CACNB2: variants seen among roughly 807,000 people sequenced by gnomAD.
The protein encoded by CACNB2 is calcium voltage-gated channel auxiliary subunit beta 2.
In CACNB2, 42 loss-of-function variants were observed where a neutral mutation model predicts 73.3. The observed-to-expected ratio is 0.57, with a 90% CI of 0.45 to 0.74. CACNB2 has a LOEUF of 0.74. Among genes scored for constraint, CACNB2 ranks in the 30% least tolerant of loss-of-function variants. The pLI is 0.00. For synonymous variants in CACNB2, 348 were observed against 310.3 expected (o/e 1.12, Z -1.28); for missense variants, 940 against 853.0 (o/e 1.10, Z -1.27).
intron 3 of CACNB2, among the ~76,000 whole-genome samples, chr10:18,418,319 C>T (rs1161252335): frequency 6.6e-6 from 1 of 152,154 alleles, no homozygotes; most frequent in Non-Finnish European, 1.5e-5. Flanking sequence ...GTGATCCACC[C>T]GCCTTACTAA....
At chr10:18,205,701 G>A (rs751965109) in intron 2 of CACNB2, among the ~76,000 whole-genome samples, 10 of 152,160 alleles carry the variant, frequency 6.6e-5, no homozygotes, top group Non-Finnish European at 1.0e-4. Flanking sequence ...TGGGGTCCTT[G>A]GCCTGATCTT....
chr10:18,195,357 C>A (rs1189471658), intron 2 of CACNB2, among the ~76,000 whole-genome samples: 2 of 152,082 alleles, frequency 1.3e-5, no homozygotes, highest in Middle Eastern at 6.3e-3. Flanking sequence ...ACATACAAGC[C>A]CATCAACACA....
chr10:18,378,815 G>C (rs545401716), intron 2 of CACNB2, among the ~76,000 whole-genome samples: 1 of 152,132 alleles, frequency 6.6e-6, no homozygotes, highest in African/African-American at 2.4e-5. Context: ...AGGTCAGGGG[G>C]TTCTGAAAGG....
At chr10:18,517,913 T>G (rs2051440371) in intron 7 of CACNB2, among the ~76,000 whole-genome samples, 2 of 152,232 alleles carry the variant, frequency 1.3e-5, no homozygotes, top group Admixed American at 6.5e-5. Context: ...CAATCTTTCT[T>G]TCCTCTGTAA....
chr10:18,461,853 C>T (rs2132680982), intron 3 of CACNB2, among the ~76,000 whole-genome samples: 1 of 145,518 alleles, frequency 6.9e-6, no homozygotes, highest in East Asian at 2.0e-4. Context: ...CAGTGGCTTC[C>T]AATCTATCCT....
chr10:18,438,109 C>G (rs984081107), intron 3 of CACNB2, among the ~76,000 whole-genome samples: 4 of 140,164 alleles, frequency 2.9e-5, no homozygotes, highest in African/African-American at 1.1e-4. Context: ...GCTCCGCCTC[C>G]CGGGTTCATG....
chr10:18,399,576 T>G lies in CACNB2; in HGVS notation c.214-2348T>G, dbSNP rs578060566. 7.9e-5 allele frequency among the ~76,000 whole-genome samples: 12 copies of G among 152,022 alleles called. No individual in the cohort carries two copies. The South Asian group carries it at 2.1e-3, about 26-fold the overall frequency. ...GGGAGGAAGACTTTTTGAGATAGGGTCTCACTATGTTGCCCAGGCTGGTCT... is the reference window on the plus strand; with the variant it reads ...GGGAGGAAGACTTTTTGAGATAGGGGCTCACTATGTTGCCCAGGCTGGTCT... On this transcript the variant is annotated intron_variant, in intron 2 of 13. Coordinates refer to ENST00000324631, the MANE Select transcript of CACNB2 (RefSeq NM_201596.3).
intron 2 of CACNB2, among the ~76,000 whole-genome samples, chr10:18,241,916 C>G (rs186839028): frequency 1.7e-4 from 26 of 152,144 alleles, no homozygotes; most frequent in Non-Finnish European, 3.7e-4. Context: ...GATTGATCAT[C>G]TTGGTTATAT....
intron 4 of CACNB2, among the ~76,000 whole-genome samples, chr10:18,499,308 T>C (rs1281144521): frequency 6.6e-6 from 1 of 151,754 alleles, no homozygotes; most frequent in East Asian, 1.9e-4. Context: ...AGCAAAGGAG[T>C]TGATAACTGC....
At chr10:18,453,043 C>A (rs543149118) in intron 3 of CACNB2, among the ~76,000 whole-genome samples, 1 of 152,306 alleles carries the variant, frequency 6.6e-6, no homozygotes, top group South Asian at 2.1e-4. Context: ...TGTTTCTCTC[C>A]CCTGCTCAGA....
intron 9 of CACNB2, among the ~76,000 whole-genome samples, chr10:18,526,124 T>G (rs1339086514): frequency 1.3e-5 from 2 of 152,246 alleles, no homozygotes; most frequent in Admixed American, 6.5e-5. Flanking sequence ...ACTTTGTGTT[T>G]CTGTGTATGG....
chr10:18,150,855 C>CTTTTGTTTTTTTT, intron 1 of CACNB2, 28 bp from the exon 2 acceptor site: 1 of 483,392 alleles, frequency 2.1e-6, no homozygotes, highest in Non-Finnish European at 3.1e-6. Flanking sequence ...TCTTATTTGT[C>CTTTTGTTTTTTTT]TTTTTTTTTT....
chr10:18,337,998 G>T (rs1432730681), intron 2 of CACNB2, among the ~76,000 whole-genome samples: 1 of 152,070 alleles, frequency 6.6e-6, no homozygotes, highest in African/African-American at 2.4e-5. Context: ...CTGAATACTG[G>T]CCTTGGTAAT....
chr10:18,536,555 C>T (rs1270178470), intron 12 of CACNB2, among the ~76,000 whole-genome samples: 1 of 152,004 alleles, frequency 6.6e-6, no homozygotes, highest in Non-Finnish European at 1.5e-5. Context: ...AGCTGCCATG[C>T]CTGGCCAGAA....
intron 2 of CACNB2, among the ~76,000 whole-genome samples, chr10:18,215,219 G>A (rs146683854): frequency 1.7e-3 from 253 of 152,240 alleles, no homozygotes; most frequent in African/African-American, 5.9e-3. Flanking sequence ...TTCACAAGTA[G>A]CCTACAAACT....
rs2054013604 is a variant in CACNB2 at position 18,540,501 on chromosome 10, ATATGTGTGATTG to A, written c.*778_*789del. ...AGTAGAAAGTGTGTACATACTGTAA[ATATGTGTGATTG>A]CTTGACTTGAAAAGGTTTGAATTCT... is the stretch of plus-strand genomic sequence containing the variant. On this transcript the variant is annotated 3_prime_UTR_variant, in exon 14 of 14. Coordinates refer to ENST00000324631, the MANE Select transcript of CACNB2 (RefSeq NM_201596.3). 1 of 152,552 alleles carries A rather than the reference ATATGTGTGATTG, an allele frequency of 6.6e-6. No homozygotes were observed. Among genetic ancestry groups the A allele is most frequent in the African/African-American group, 2.4e-5 (1 of 41,428 alleles). 9.4% of individuals were successfully genotyped at this position (152,552 alleles called of 1,614,324 possible).
Position 18,265,149 on chromosome 10 carries a change from CT to C in CACNB2, c.213+114193del, listed in dbSNP as rs34442607. On this transcript the variant is annotated intron_variant, in intron 2 of 13. Coordinates refer to ENST00000324631, the MANE Select transcript of CACNB2 (RefSeq NM_201596.3). ...TATTTATTGACCATTTGGCCATCTTCTTTTTTTTTTTTTTTTTTTGAGATGG... is the reference window on the plus strand; with the variant it reads ...TATTTATTGACCATTTGGCCATCTTCTTTTTTTTTTTTTTTTTTGAGATGG... Among the ~76,000 whole-genome samples, 716 of 120,922 alleles carry C rather than the reference CT, an allele frequency of 5.9e-3. 3 individuals are homozygous for C. The East Asian group carries it at 0.065, about 11-fold the overall frequency. The allele number at this position is 120,922 out of a possible 152,430, so 79.3% of individuals were successfully genotyped here.
At chr10:18,426,199 T>C (rs1335276123) in intron 3 of CACNB2, among the ~76,000 whole-genome samples, 1 of 152,230 alleles carries the variant, frequency 6.6e-6, no homozygotes, top group Non-Finnish European at 1.5e-5. Flanking sequence ...GTAGATCAAC[T>C]TGGAGGAAAA....
At chr10:18,371,777 C>T (rs984357303) in intron 2 of CACNB2, among the ~76,000 whole-genome samples, 12 of 152,284 alleles carry the variant, frequency 7.9e-5, no homozygotes, top group African/African-American at 2.4e-4. Context: ...GGAATCACCA[C>T]GCTGACTTCC....
Sources: gnomAD v4.1 joint callset for allele counts (sites outside exome capture counted in the v4.1 genomes callset) on GRCh38, gnomAD v4.1.1 for gene constraint, MANE v1.5 for transcripts, NCBI Gene and HGNC (gene_info 2026-07-23, HGNC 2026-07-21) for gene names.